Variants in RANBP9 observed in about 807,000 individuals in gnomAD.
RANBP9 encodes the protein ran-binding protein 9.
In RANBP9, 15 loss-of-function variants were observed where a neutral mutation model predicts 84.3. The observed-to-expected ratio is 0.18, with a 90% CI of 0.12 to 0.27. RANBP9 has a LOEUF of 0.27. Among genes scored for constraint, RANBP9 ranks in the 10% least tolerant of loss-of-function variants. RANBP9 has a pLI of 1.00. For synonymous variants in RANBP9, 392 were observed against 349.6 expected (o/e 1.12, Z -1.35); for missense variants, 809 against 912.8 (o/e 0.89, Z 1.46).
At chr6:13,687,871 TA>T (rs532750984) in intron 2 of RANBP9, among the ~76,000 whole-genome samples, 13 of 152,282 alleles carry the variant, frequency 8.5e-5, no homozygotes, top group African/African-American at 2.9e-4. Flanking sequence ...ACCTGAAAGA[TA>T]AAAGGTAACA....
chr6:13,643,352 A>G (rs900356157), intron 6 of RANBP9, among the ~76,000 whole-genome samples: 2 of 152,220 alleles, frequency 1.3e-5, no homozygotes, highest in African/African-American at 4.8e-5. Flanking sequence ...ATTAACCCAA[A>G]TATCTGTTAT....
intron 2 of RANBP9, among the ~76,000 whole-genome samples, chr6:13,688,788 A>G (rs1384127994): frequency 4.0e-5 from 6 of 151,662 alleles, no homozygotes; most frequent in Non-Finnish European, 7.4e-5. Context: ...GACCGCCATC[A>G]CACACTTCAT....
chr6:13,708,265 A>G (rs1233739176), intron 1 of RANBP9, among the ~76,000 whole-genome samples: 1 of 152,164 alleles, frequency 6.6e-6, no homozygotes, highest in Non-Finnish European at 1.5e-5. Context: ...CCACAAAAAA[A>G]AAAATTACAA....
In RANBP9 at chr6:13,711,526, C is replaced by CG; in HGVS notation, c.-22dup. On this transcript the variant is annotated 5_prime_UTR_variant, in exon 1 of 14. Transcript: ENST00000011619. ...GACATCCCGGCCGCGACTCAGCCTG[C>CG]GGCCACCTCCACCTCTTCTCTCCTT... The CG allele has an allele frequency of 1.6e-6, 2 of 1,244,370 alleles. No homozygotes were observed. Among genetic ancestry groups the CG allele is most frequent in the South Asian group, 6.6e-5 (2 of 30,358 alleles). 77.1% of individuals were successfully genotyped at this position (1,244,370 alleles called of 1,614,324 possible). A position where few individuals can be genotyped will look rare whatever the true frequency, so the allele number is the denominator to read the frequency against.
rs142892267 is a variant in RANBP9, at chr6:13,704,225, G to A, written c.571+6710C>T. On this transcript the variant is annotated intron_variant, in intron 1 of 13. Transcript: ENST00000011619. ...TTGAATCTATCTTCCAATCAGCTGCGTAATCTGACAAAAATGAAGATATGA... is the reference window on the plus strand; with the variant it reads ...TTGAATCTATCTTCCAATCAGCTGCATAATCTGACAAAAATGAAGATATGA... 2.1e-3 allele frequency among the ~76,000 whole-genome samples: 326 copies of A among 152,184 alleles called. 8 individuals carry two copies. The highest frequency in any genetic ancestry group is 7.1e-3 in the African/African-American group (293 of 41,500).
intron 11 of RANBP9, among the ~76,000 whole-genome samples, chr6:13,633,025 T>C (rs979626263): frequency 6.6e-6 from 1 of 151,896 alleles, no homozygotes; most frequent in African/African-American, 2.4e-5. Flanking sequence ...AAAATACCAC[T>C]TTGAAAAAAT....
chr6:13,636,612 T>C (rs1764945361), intron 10 of RANBP9, among the ~76,000 whole-genome samples: 1 of 152,236 alleles, frequency 6.6e-6, no homozygotes, highest in African/African-American at 2.4e-5. Context: ...CCAATGCATT[T>C]AGTATAAAGC....
intron 2 of RANBP9, among the ~76,000 whole-genome samples, chr6:13,679,465 C>T (rs1325665526): frequency 6.6e-6 from 1 of 152,116 alleles, no homozygotes; most frequent in East Asian, 1.9e-4. Context: ...TTAACTACTA[C>T]AACAACAACA....
At chr6:13,655,597 A>G (rs920410690) in intron 4 of RANBP9, among the ~76,000 whole-genome samples, 4 of 152,224 alleles carry the variant, frequency 2.6e-5, no homozygotes, top group African/African-American at 9.6e-5. Flanking sequence ...ATTTAATTTA[A>G]ATATTTGTGA....
intron 2 of RANBP9, among the ~76,000 whole-genome samples, chr6:13,687,971 T>C (rs1305391995): frequency 6.6e-6 from 1 of 152,242 alleles, no homozygotes; most frequent in African/African-American, 2.4e-5. Context: ...GCAGCAGCAG[T>C]GGCAGCAGCC....
intron 2 of RANBP9, among the ~76,000 whole-genome samples, chr6:13,673,881 A>C (rs2080415): frequency 0.37 from 56,659 of 151,914 alleles, 10,875 homozygotes; most frequent in Admixed American, 0.49. Context: ...CCAGGAGTTC[A>C]AGACCAGCCT....
In RANBP9 at chr6:13,639,923, A is replaced by T. The variant is rs1765024436; in HGVS notation, c.1335-170T>A. Reference sequence around the variant, plus strand: ...CCTATGCTTTAATGCTTAGAATTTTAGAATTTCCAGAAAAATGAGAGTACA... The same window carrying T: ...CCTATGCTTTAATGCTTAGAATTTTTGAATTTCCAGAAAAATGAGAGTACA... On this transcript the variant is annotated intron_variant, in intron 8 of 13. Transcript: ENST00000011619. Among the ~76,000 whole-genome samples the T allele has an allele frequency of 2.0e-5, 3 of 152,210 alleles. 1 individual carries two copies. The South Asian group carries it at 6.2e-4, about 32-fold the overall frequency.
At chr6:13,629,025 A>G (rs1037507081) in intron 12 of RANBP9, among the ~76,000 whole-genome samples, 4 of 152,230 alleles carry the variant, frequency 2.6e-5, no homozygotes, top group Non-Finnish European at 4.4e-5. Context: ...AGATTTCACT[A>G]AAGCATCTGA....
At chr6:13,622,615 G>A in intron 13 of RANBP9, 123 bp from the exon 14 acceptor site, 2 of 1,054,916 alleles carry the variant, frequency 1.9e-6, no homozygotes, top group South Asian at 4.9e-5. Flanking sequence ...TGAAATATCA[G>A]CAAATGAAGG....
At chr6:13,682,228 T>G (rs1766060540) in intron 2 of RANBP9, among the ~76,000 whole-genome samples, 1 of 152,032 alleles carries the variant, frequency 6.6e-6, no homozygotes, top group South Asian at 2.1e-4. Context: ...AAACAAAAAT[T>G]TAAAAATCAG....
chr6:13,653,181 T>C (rs1458734361), intron 4 of RANBP9, among the ~76,000 whole-genome samples: 1 of 152,188 alleles, frequency 6.6e-6, no homozygotes, highest in Non-Finnish European at 1.5e-5. Flanking sequence ...AAAATGTTTC[T>C]TATGAAAGTA....
At chr6:13,676,493 A>G (rs1436514712) in intron 2 of RANBP9, among the ~76,000 whole-genome samples, 2 of 152,152 alleles carry the variant, frequency 1.3e-5, no homozygotes, top group African/African-American at 4.8e-5. Flanking sequence ...AAATAAAGAC[A>G]TTACAAGAAG....
At chr6:13,671,591 A>G (rs1765779876) in intron 2 of RANBP9, among the ~76,000 whole-genome samples, 1 of 152,206 alleles carries the variant, frequency 6.6e-6, no homozygotes, top group South Asian at 2.1e-4. Context: ...GTCCAGAATA[A>G]GTAAATCCAT....
chr6:13,710,792 C>G, intron 1 of RANBP9, 143 bp downstream of exon 1: 4 of 877,394 alleles, frequency 4.6e-6, no homozygotes, highest in Non-Finnish European at 6.6e-6. Context: ...CGCGCCCACC[C>G]GGAGCAGCAC....
Sources: gnomAD v4.1 joint callset for allele counts (sites outside exome capture counted in the v4.1 genomes callset) on GRCh38, gnomAD v4.1.1 for gene constraint, MANE v1.5 for transcripts, NCBI Gene and HGNC (gene_info 2026-07-23, HGNC 2026-07-21) for gene names.